Variants in DNAH10 observed in about 807,000 individuals in gnomAD.
DNAH10 encodes dynein axonemal heavy chain 10.
Under a neutral mutation model 506.6 loss-of-function variants are expected in DNAH10, and 348 were observed. The ratio of observed to expected loss-of-function variants is 0.69; its 90% CI spans 0.63 to 0.75. The LOEUF (loss-of-function observed/expected upper bound fraction) is 0.75. Ranked by LOEUF, DNAH10 falls within the 30% of genes least tolerant of loss-of-function variation. DNAH10 has a pLI of 0.00. For missense variants in DNAH10, 5,179 were observed against 5,787.1 expected, an observed-to-expected ratio of 0.89 and a Z score of 3.41; for synonymous variants, 2,059 against 2,198.6, an observed-to-expected ratio of 0.94 and a Z score of 1.78.
intron 7 of DNAH10, 63 bp downstream of exon 7, chr12:123,783,327 G>A (rs963783486): frequency 1.3e-6 from 2 of 1,589,114 alleles, no homozygotes; most frequent in African/African-American, 1.3e-5. Flanking sequence ...CTGGGAAAGA[G>A]CCCGGAGTCT....
rs961417637 is a variant in DNAH10 at position 123,787,695 on chromosome 12, G to T, written c.1422-109G>T. ...TTTCCGATGAGGCCGTGAAACCAGG[G>T]GGGGCGCCCGGGTCAGAGCTTCACG... On this transcript the variant is annotated intron_variant, in intron 9 of 78. Transcript: ENST00000673944. The surrounding 1 kb of genome is among the most constrained non-coding windows in gnomAD (Gnocchi z 4.6). 5 of 1,351,508 alleles carry T rather than the reference G, an allele frequency of 3.7e-6. No homozygotes were observed. The highest frequency in any genetic ancestry group is 3.1e-6 in the Non-Finnish European group (3 of 980,630). The allele number at this position is 1,351,508 out of a possible 1,614,324, so 83.7% of individuals were successfully genotyped here.
chr12:123,908,173 G>T (rs111736220), intron 57 of DNAH10: 1 of 297,778 alleles, frequency 3.4e-6, no homozygotes, highest in African/African-American at 3.0e-5. Flanking sequence ...TCTCCTCCCT[G>T]TCTCTCTGTC....
intron 5 of DNAH10, among the ~76,000 whole-genome samples, chr12:123,779,902 G>GCTAA (rs1045810471): frequency 2.4e-4 from 36 of 152,174 alleles, no homozygotes; most frequent in African/African-American, 8.2e-4. Context: ...ACAAAACTCA[G>GCTAA]CCAACCAACC....
intron 65 of DNAH10, among the ~76,000 whole-genome samples, chr12:123,922,379 G>A (rs999434373): frequency 2.6e-5 from 4 of 152,122 alleles, no homozygotes; most frequent in African/African-American, 7.2e-5. Context: ...CACCATTTCA[G>A]TTGGTTTTTG....
At chr12:123,896,111 TCACACACACACA>T (rs112187635) in intron 54 of DNAH10, among the ~76,000 whole-genome samples, 322 of 48,900 alleles carry the variant, frequency 6.6e-3, no homozygotes, top group African/African-American at 0.017. Flanking sequence ...AGACTTTATC[TCACACACACACA>T]CACACACACA....
Position 123,796,654 on chromosome 12 carries a change from A to C in DNAH10, c.1987-2A>C. On this transcript the variant is annotated splice_acceptor_variant, in intron 12 of 78. Coordinates refer to ENST00000673944, the MANE Select transcript of DNAH10 (RefSeq NM_001372106.1). LOFTEE classifies it high-confidence loss of function. ...TACAGAAGCTGTTTGATTGCTTTTCAGATTGACATCATTAATAAAATCTTT... is the reference window on the plus strand; with the variant it reads ...TACAGAAGCTGTTTGATTGCTTTTCCGATTGACATCATTAATAAAATCTTT... 4 of 1,594,446 alleles carry C rather than the reference A, an allele frequency of 2.5e-6. No homozygotes were observed. Among genetic ancestry groups the C allele is most frequent in the Non-Finnish European group, 3.4e-6 (4 of 1,170,462 alleles).
At chr12:123,775,093 GGATGT>G (rs1957390713) in intron 5 of DNAH10, among the ~76,000 whole-genome samples, 1 of 152,188 alleles carries the variant, frequency 6.6e-6, no homozygotes, top group Non-Finnish European at 1.5e-5. Context: ...GCCTTGCTGA[GGATGT>G]GATGTCTAAG....
At chr12:123,924,103 A>C in intron 66 of DNAH10, 175 bp from the exon 67 acceptor site, 1 of 873,514 alleles carries the variant, frequency 1.1e-6, no homozygotes, top group Non-Finnish European at 1.7e-6. Flanking sequence ...TGGATGCTGC[A>C]CTGAGCGCCT....
At chr12:123,899,173 C>T (rs922043252) in intron 56 of DNAH10, among the ~76,000 whole-genome samples, 9 of 152,078 alleles carry the variant, frequency 5.9e-5, no homozygotes, top group Admixed American at 2.0e-4. Context: ...ACCATCGACG[C>T]GGGACTTTCT....
chr12:123,881,704 G>A lies in DNAH10; in HGVS notation c.8714G>A (p.Arg2905Gln), dbSNP rs1952515142. 7.1e-6 allele frequency: 11 copies of A among 1,550,262 alleles called. No individual in the cohort carries two copies. The highest frequency in any genetic ancestry group is 1.4e-5 in the African/African-American group (1 of 73,014). Residue 2905 changes from arginine to glutamine, a missense_variant, in exon 51 of 79, where the codon CGG becomes CAG. Around this residue, in one of 3 missense-constraint regions of DNAH10, gnomAD observed 4,844 missense variants for 5,430.5 expected, o/e 0.89. Transcript: ENST00000673944. ...GACGATGCTCTGGAGCATTTAACCC[G>A]GGTGCACCGTATCATCCGCATGGAC... Reference protein sequence around the residue: ...LFDDALEHLTRVHRIIRMDRG... With the variant: ...LFDDALEHLTQVHRIIRMDRG...
At chr12:123,898,522 C>T (rs1953360996) in intron 55 of DNAH10, 131 bp from the exon 56 acceptor site, 2 of 1,205,820 alleles carry the variant, frequency 1.7e-6, no homozygotes, top group African/African-American at 3.1e-5. Context: ...AGTGGAGGTA[C>T]TGAAAGACAT....
intron 5 of DNAH10, 70 bp from the exon 6 acceptor site, chr12:123,781,010 G>A: frequency 6.2e-6 from 7 of 1,132,688 alleles, no homozygotes; most frequent in South Asian, 3.7e-5. Flanking sequence ...TTCAAAACCA[G>A]AGGCAATTTG....
intron 69 of DNAH10, chr12:123,927,221 G>A (rs1954986035): frequency 1.6e-5 from 3 of 188,006 alleles, no homozygotes; most frequent in African/African-American, 7.2e-5. Context: ...TAATTTTTTT[G>A]GTATTTTCTG....
At chr12:123,864,451 C>G in intron 39 of DNAH10, 144 bp from the exon 40 acceptor site, 1 of 1,141,858 alleles carries the variant, frequency 8.8e-7, no homozygotes, top group South Asian at 2.0e-5. Context: ...AGTCAAACCT[C>G]TGGGCCAACT....
At chr12:123,923,111 C>G (rs977559473) in intron 65 of DNAH10, 1 of 152,134 alleles carries the variant, frequency 6.6e-6, no homozygotes, top group Non-Finnish European at 1.5e-5. Flanking sequence ...AAGAAGAACG[C>G]TGGTATTTTG....
chr12:123,790,755 GAC>G (rs1354510370), intron 11 of DNAH10, among the ~76,000 whole-genome samples: 1 of 152,136 alleles, frequency 6.6e-6, no homozygotes, highest in Non-Finnish European at 1.5e-5. Context: ...GAACAAAGAG[GAC>G]AGGAGTGAGG....
At position 123,853,940 on chromosome 12, in the gene DNAH10, G is replaced by GCACACA. The variant is rs912242569; in HGVS notation, c.6438+597_6438+602dup. ...TACGCACACGCACGCACACGCACAC[G>GCACACA]CACACACACACACATTTGGGTAGTA... On this transcript the variant is annotated intron_variant, in intron 36 of 78. Coordinates refer to ENST00000673944, the MANE Select transcript of DNAH10 (RefSeq NM_001372106.1). The surrounding 1 kb of genome is among the most constrained non-coding windows in gnomAD (Gnocchi z 4.7). Among the ~76,000 whole-genome samples the GCACACA allele has an allele frequency of 6.7e-6, 1 of 149,358 alleles. No homozygotes were observed. Among genetic ancestry groups the GCACACA allele is most frequent in the African/African-American group, 2.5e-5 (1 of 40,560 alleles).
chr12:123,884,679 G>T (rs1227522970), intron 51 of DNAH10, among the ~76,000 whole-genome samples: 1 of 152,174 alleles, frequency 6.6e-6, no homozygotes, highest in Non-Finnish European at 1.5e-5. Context: ...TGGGGGTTAT[G>T]ATTTCAACAA....
In DNAH10 at chr12:123,783,189, C is replaced by A; in HGVS notation, c.924C>A (p.Ile308=). 6.2e-7 allele frequency: 1 copy of A among 1,614,198 alleles called. No homozygotes were observed. Among genetic ancestry groups the A allele is most frequent in the Non-Finnish European group, 8.5e-7 (1 of 1,180,042 alleles). ...DLAADPETVD[I]LEQCVINWLN... ...CAGCTGACCCGGAAACCGTTGACATCTTGGAGCAGTGTGTGATAAACTGGC... is the reference window on the plus strand; with the variant it reads ...CAGCTGACCCGGAAACCGTTGACATATTGGAGCAGTGTGTGATAAACTGGC... Residue 308 remains isoleucine, a synonymous_variant, in exon 7 of 79, where the codon ATC becomes ATA. Coordinates refer to ENST00000673944, the MANE Select transcript of DNAH10 (RefSeq NM_001372106.1).
Sources: gnomAD v4.1 joint callset for allele counts (sites outside exome capture counted in the v4.1 genomes callset) on GRCh38, gnomAD v4.1.1 for gene constraint, gnomAD v4.1.1 regional missense constraint, Gnocchi (gnomAD v3.1) non-coding constraint, MANE v1.5 for transcripts, NCBI Gene and HGNC (gene_info 2026-07-23, HGNC 2026-07-21) for gene names.